Variants in PLK5 observed in about 807,000 individuals in gnomAD.
PLK5 encodes inactive serine/threonine-protein kinase PLK5.
In PLK5, 28 loss-of-function variants were observed where a neutral mutation model predicts 33.7. The ratio of observed to expected loss-of-function variants is 0.83; its 90% CI spans 0.62 to 1.14. The LOEUF (loss-of-function observed/expected upper bound fraction) is 1.14. Ranked by LOEUF, PLK5 falls within the 50% of genes most tolerant of loss-of-function variation. The pLI is 0.00. For missense variants in PLK5, 492 were observed against 461.5 expected, an observed-to-expected ratio of 1.07 and a Z score of -0.61; for synonymous variants, 225 against 202.2, an observed-to-expected ratio of 1.11 and a Z score of -0.96.
At chr19:1,534,759 G>T (rs1221821721) in intron 13 of PLK5, among the ~76,000 whole-genome samples, 4 of 151,812 alleles carry the variant, frequency 2.6e-5, no homozygotes, top group African/African-American at 9.7e-5. Flanking sequence ...GGAGCTTGCA[G>T]TGAGCCGAGA....
In PLK5 at chr19:1,535,301, G is replaced by A. The variant is rs907411655; in HGVS notation, c.*51G>A. ...CTGCATGGTAGTGCCAGGGACCCAG[G>A]CTCCATTTCCATTCCTGTGGCTCCC... On this transcript the variant is annotated 3_prime_UTR_variant, in exon 14 of 14. Coordinates refer to ENST00000454744, the MANE Select transcript of PLK5 (RefSeq NM_001243079.2). 8.1e-6 allele frequency: 12 copies of A among 1,486,024 alleles called. No individual in the cohort carries two copies. In the African/African-American group the frequency reaches 1.6e-4, roughly 19 times the overall value. 92.1% of individuals were successfully genotyped at this position (1,486,024 alleles called of 1,614,324 possible). A position where few individuals can be genotyped will look rare whatever the true frequency, so the allele number is the denominator to read the frequency against.
chr19:1,527,161 CGTGT>C (rs551280274), intron 6 of PLK5, among the ~76,000 whole-genome samples, 163 bp downstream of exon 6: 10 of 149,698 alleles, frequency 6.7e-5, no homozygotes, highest in Non-Finnish European at 1.5e-4. Context: ...TGTGGGGAGG[CGTGT>C]GTGAGGGAGG....
rs1402541696 is a variant in PLK5 at position 1,528,028 on chromosome 19, C to G, written c.95C>G (p.Ala32Gly). ...CGTGAGGGCCACTACCCCGAACCCG[C>G]TCACCTGTCTGCCAATGCGCGCCGC... Reference protein sequence around the residue: ...NIREGHYPEPAHLSANARRLI... With the variant: ...NIREGHYPEPGHLSANARRLI... Residue 32 changes from alanine to glycine, a missense_variant, in exon 7 of 14, where the codon GCT becomes GGT. By Grantham distance (60) the Ala-to-Gly change is moderately conservative. Coordinates refer to ENST00000454744, the MANE Select transcript of PLK5 (RefSeq NM_001243079.2). The G allele has an allele frequency of 3.3e-6, 5 of 1,536,054 alleles. No individual in the cohort carries two copies. The Admixed American group carries it at 5.9e-5, about 18-fold the overall frequency.
rs34242824 is a variant in PLK5 at position 1,534,155 on chromosome 19, GAAA to G, written c.825+130_825+132del. 4,208 of 521,596 alleles carry G rather than the reference GAAA, an allele frequency of 8.1e-3. 6 individuals are homozygous for G. Among genetic ancestry groups the G allele is most frequent in the South Asian group, 0.014 (559 of 38,856 alleles). 32.3% of individuals were successfully genotyped at this position (521,596 alleles called of 1,614,324 possible). A position where few individuals can be genotyped will look rare whatever the true frequency, so the allele number is the denominator to read the frequency against. On this transcript the variant is annotated intron_variant, in intron 13 of 13. Coordinates refer to ENST00000454744, the MANE Select transcript of PLK5 (RefSeq NM_001243079.2). ...GCCTTAGGAAGCATTTGCCTCCCAG[GAAA>G]AAAAAAAAAAAAAAAGGTATTGGCT...
intron 9 of PLK5, 115 bp from the exon 10 acceptor site, chr19:1,529,291 C>A: frequency 1.1e-6 from 1 of 905,158 alleles, no homozygotes; most frequent in Non-Finnish European, 1.7e-6. Flanking sequence ...GAAAGCAGTG[C>A]CTCTGTGTGC....
intron 13 of PLK5, 25 bp downstream of exon 13, chr19:1,534,066 G>A: frequency 6.6e-7 from 1 of 1,520,898 alleles, no homozygotes; most frequent in Non-Finnish European, 8.8e-7. Context: ...CAAACTCGGG[G>A]CACTGGGGCT....
chr19:1,534,188 C>G (rs937018340), intron 13 of PLK5, 147 bp downstream of exon 13: 2 of 654,348 alleles, frequency 3.1e-6, no homozygotes, highest in Non-Finnish European at 2.6e-6. Flanking sequence ...TTGGCTCCTG[C>G]GTACAAAACC....
intron 12 of PLK5, among the ~76,000 whole-genome samples, chr19:1,532,609 A>G (rs1599307309): frequency 7.2e-6 from 1 of 139,602 alleles, no homozygotes; most frequent in Admixed American, 8.0e-5. Context: ...TGCAAGCTCC[A>G]CCTCCCGGGT....
In PLK5 at chr19:1,524,912, CCAGA is replaced by C. The variant is rs1377811019; in HGVS notation, c.-543-390_-543-387del. ...GTGTCCACACGTGGTGACTGTGTGT[CCAGA>C]CATTGTATATTCATGTGTTTGTGTG... On this transcript the variant is annotated intron_variant, in intron 1 of 13. Coordinates refer to ENST00000454744, the MANE Select transcript of PLK5 (RefSeq NM_001243079.2). The surrounding 1 kb of genome is among the most constrained non-coding windows in gnomAD (Gnocchi z 4.5). The C allele has an allele frequency of 4.6e-5, 7 of 152,542 alleles. No individual in the cohort carries two copies. The highest frequency in any genetic ancestry group is 2.0e-4 in the Admixed American group (3 of 15,252). 9.4% of individuals were successfully genotyped at this position (152,542 alleles called of 1,614,324 possible).
chr19:1,533,926 C>T lies in PLK5; in HGVS notation c.715-5C>T. On this transcript the variant is annotated splice_polypyrimidine_tract_variant and splice_region_variant and intron_variant, in intron 12 of 13. Transcript: ENST00000454744. ...TCACGTGACCTCAGCCGAGTCTGTC[C>T]ACAGGAGGGGACCCTCCCCACACCT... 1 of 1,532,108 alleles carries T rather than the reference C, an allele frequency of 6.5e-7. No homozygotes were observed. The allele number at this position is 1,532,108 out of a possible 1,614,324, so 94.9% of individuals were successfully genotyped here.
intron 7 of PLK5, 41 bp downstream of exon 7, chr19:1,528,175 C>G (rs1249502642): frequency 6.5e-7 from 1 of 1,529,420 alleles, no homozygotes; most frequent in Non-Finnish European, 8.8e-7. Context: ...GGCGTGGGGT[C>G]CCTGGCAGGT....
chr19:1,532,272 G>A (rs910314471), intron 12 of PLK5, among the ~76,000 whole-genome samples: 1 of 152,114 alleles, frequency 6.6e-6, no homozygotes, highest in African/African-American at 2.4e-5. Flanking sequence ...TTGGTGTGGT[G>A]GCACACACCT....
At position 1,535,570 on chromosome 19, in the gene PLK5, A is replaced by T. The variant is rs1914073506; in HGVS notation, c.*320A>T. 2.8e-6 allele frequency: 1 copy of T among 355,944 alleles called. No individual in the cohort carries two copies. The highest frequency in any genetic ancestry group is 5.0e-5 in the Admixed American group (1 of 19,970). 22.0% of individuals were successfully genotyped at this position (355,944 alleles called of 1,614,324 possible). On this transcript the variant is annotated 3_prime_UTR_variant, in exon 14 of 14. Coordinates refer to ENST00000454744, the MANE Select transcript of PLK5 (RefSeq NM_001243079.2). ...TTTCTCTTAGTGGCAGAGGTGGGTT[A>T]CATTTTCACTAATGCAGACATTAGC...
At chr19:1,533,448 C>G (rs1330126490) in intron 12 of PLK5, among the ~76,000 whole-genome samples, 1 of 152,112 alleles carries the variant, frequency 6.6e-6, no homozygotes, top group Non-Finnish European at 1.5e-5. Flanking sequence ...TGGCTGGACT[C>G]ATCAGGTGGG....
At position 1,524,273 on chromosome 19, in the gene PLK5, G is replaced by A. The variant is rs1179470402; in HGVS notation, c.-544+27G>A. The A allele has an allele frequency of 6.6e-6, 1 of 150,730 alleles. No homozygotes were observed. The highest frequency in any genetic ancestry group is 2.4e-5 in the African/African-American group (1 of 41,266). 9.3% of individuals were successfully genotyped at this position (150,730 alleles called of 1,614,324 possible). On this transcript the variant is annotated intron_variant, in intron 1 of 13. Coordinates refer to ENST00000454744, the MANE Select transcript of PLK5 (RefSeq NM_001243079.2). The surrounding 1 kb of genome is among the most constrained non-coding windows in gnomAD (Gnocchi z 4.5). ...TGGGAGGCCCGCGCCCCGAGTCCGC[G>A]ACGGGGCCGGACCGGGCTGGGCTGG...
At chr19:1,534,386 A>G (rs1206338694) in intron 13 of PLK5, among the ~76,000 whole-genome samples, 1 of 151,436 alleles carries the variant, frequency 6.6e-6, no homozygotes, top group South Asian at 2.1e-4. Context: ...GCCTTCCTGT[A>G]ATCCCAGCTA....
intron 11 of PLK5, among the ~76,000 whole-genome samples, chr19:1,531,206 C>G (rs576051307): frequency 1.3e-5 from 2 of 151,912 alleles, no homozygotes; most frequent in South Asian, 2.1e-4. Flanking sequence ...GTCAGGAGAT[C>G]GAAACCATCC....
chr19:1,525,066 C>T (rs72987538), intron 1 of PLK5: 9,714 of 152,858 alleles, frequency 0.064, 419 homozygotes, highest in Non-Finnish European at 0.091. Flanking sequence ...TCTTCTGGTC[C>T]GTGGCCTCTA....
chr19:1,526,975 C>T lies in PLK5; in HGVS notation c.-22C>T. 6.5e-7 allele frequency: 1 copy of T among 1,533,356 alleles called. No individual in the cohort carries two copies. Among genetic ancestry groups the T allele is most frequent in the South Asian group, 1.2e-5 (1 of 83,984 alleles). 95.0% of individuals were successfully genotyped at this position (1,533,356 alleles called of 1,614,324 possible). A position where few individuals can be genotyped will look rare whatever the true frequency, so the allele number is the denominator to read the frequency against. On this transcript the variant is annotated 5_prime_UTR_variant, in exon 6 of 14. Coordinates refer to ENST00000454744, the MANE Select transcript of PLK5 (RefSeq NM_001243079.2). ...GAAACGGTCACTCCTGCCAGTAGGA[C>T]ATCTGGGCTCTGGGCTGCATCATGT...
Sources: allele counts gnomAD v4.1 joint callset (sites outside exome capture counted in the v4.1 genomes callset), GRCh38; gene constraint gnomAD v4.1.1; non-coding constraint Gnocchi (gnomAD v3.1); transcripts MANE v1.5; gene names NCBI Gene and HGNC (gene_info 2026-07-23, HGNC 2026-07-21).